The following LYN variants were observed in gnomAD, a reference collection of about 807,000 sequenced individuals.
LYN encodes tyrosine-protein kinase Lyn.
Under a neutral mutation model 65.0 loss-of-function variants are expected in LYN, and 12 were observed. The ratio of observed to expected loss-of-function variants is 0.18; its 90% CI spans 0.12 to 0.30. LYN has a LOEUF of 0.30. LYN is among the 10% of genes least tolerant of loss of function. LYN has a pLI of 1.00. For missense variants in LYN, 380 were observed against 623.2 expected (o/e 0.61, Z 4.16); for synonymous variants, 222 against 221.2 (o/e 1.00, Z -0.03).
At chr8:55,929,065 A>G (rs1324688589) in intron 1 of LYN, among the ~76,000 whole-genome samples, 1 of 152,172 alleles carries the variant, frequency 6.6e-6, no homozygotes, top group Non-Finnish European at 1.5e-5. Context: ...TTCAGTGTTG[A>G]ATTGTCTTTG....
intron 1 of LYN, among the ~76,000 whole-genome samples, chr8:55,894,781 C>T (rs1418947816): frequency 2.0e-5 from 3 of 152,082 alleles, no homozygotes; most frequent in Non-Finnish European, 2.9e-5. Context: ...GTGATCCACC[C>T]GCCTCAGCCT....
chr8:56,000,518 G>A (rs1176619630), intron 12 of LYN, among the ~76,000 whole-genome samples: 1 of 151,880 alleles, frequency 6.6e-6, no homozygotes, highest in Non-Finnish European at 1.5e-5. Context: ...CACGAGGTCA[G>A]GAGTTCGAGA....
At chr8:55,921,602 G>T (rs1055559661) in intron 1 of LYN, among the ~76,000 whole-genome samples, 2 of 152,296 alleles carry the variant, frequency 1.3e-5, no homozygotes, top group African/African-American at 4.8e-5. Flanking sequence ...AGACAGGTGA[G>T]ATTTGCATAA....
At chr8:55,969,117 CA>C (rs1445264044) in intron 9 of LYN, among the ~76,000 whole-genome samples, 1 of 151,784 alleles carries the variant, frequency 6.6e-6, no homozygotes, top group African/African-American at 2.4e-5. Context: ...CCTATCTCTA[CA>C]AAAAAAAGAA....
chr8:55,938,384 A>C (rs1806503376), intron 1 of LYN, among the ~76,000 whole-genome samples: 1 of 152,244 alleles, frequency 6.6e-6, no homozygotes, highest in Non-Finnish European at 1.5e-5. Flanking sequence ...TTTTGAAGGC[A>C]CTGCTGACTA....
At chr8:55,893,718 C>A (rs1037710244) in intron 1 of LYN, 1 of 152,098 alleles carries the variant, frequency 6.6e-6, no homozygotes, top group African/African-American at 2.4e-5. Context: ...CAAAACTGTT[C>A]CAGATATACT....
chr8:55,955,656 A>G (rs1807085293), intron 8 of LYN, among the ~76,000 whole-genome samples: 1 of 152,208 alleles, frequency 6.6e-6, no homozygotes, highest in African/African-American at 2.4e-5. Flanking sequence ...GAAAGGAAAC[A>G]ATGTACCCAA....
intron 1 of LYN, among the ~76,000 whole-genome samples, chr8:55,934,566 A>G (rs891170349): frequency 6.6e-6 from 1 of 152,192 alleles, no homozygotes; most frequent in Non-Finnish European, 1.5e-5. Context: ...AAACTTGTGG[A>G]TCTCCTGGAA....
At chr8:55,902,785 C>G (rs1267883735) in intron 1 of LYN, 12 of 513,680 alleles carry the variant, frequency 2.3e-5, no homozygotes, top group Non-Finnish European at 3.9e-5. Context: ...CATAACCTAT[C>G]TCAATTTAGC....
intron 2 of LYN, among the ~76,000 whole-genome samples, chr8:55,945,477 A>C (rs1317501799): frequency 6.6e-6 from 1 of 152,184 alleles, no homozygotes; most frequent in Non-Finnish European, 1.5e-5. Context: ...GTCTCACTGA[A>C]ATGGAGATTT....
At chr8:55,986,284 C>T (rs1808071476) in intron 10 of LYN, among the ~76,000 whole-genome samples, 1 of 151,808 alleles carries the variant, frequency 6.6e-6, no homozygotes, top group African/African-American at 2.4e-5. Flanking sequence ...TATCCCTTTA[C>T]ATTCCTGCCA....
At chr8:55,882,128 A>C (rs1024417542) in intron 1 of LYN, among the ~76,000 whole-genome samples, 3 of 152,134 alleles carry the variant, frequency 2.0e-5, no homozygotes, top group African/African-American at 7.2e-5. Flanking sequence ...TCCACTCAGC[A>C]CCGCTCTTCT....
intron 10 of LYN, among the ~76,000 whole-genome samples, chr8:55,982,343 A>G (rs73590350): frequency 0.01 from 1,534 of 152,056 alleles, 27 homozygotes; most frequent in African/African-American, 0.035. Flanking sequence ...GAATATTTGC[A>G]TTATACTTAC....
chr8:55,927,121 T>C (rs1029794679), intron 1 of LYN, among the ~76,000 whole-genome samples: 2 of 152,250 alleles, frequency 1.3e-5, no homozygotes, highest in African/African-American at 4.8e-5. Context: ...ACAGTTTTCA[T>C]TAGGATTCAC....
chr8:55,884,601 G>T (rs1033876123), intron 1 of LYN, among the ~76,000 whole-genome samples: 3 of 151,690 alleles, frequency 2.0e-5, no homozygotes, highest in African/African-American at 4.9e-5. Flanking sequence ...GATTACAGGC[G>T]CCCGCCACCA....
intron 10 of LYN, among the ~76,000 whole-genome samples, chr8:55,971,202 A>G (rs1807600231): frequency 6.6e-6 from 1 of 152,272 alleles, no homozygotes; most frequent in South Asian, 2.1e-4. Flanking sequence ...GGGCAAGGAA[A>G]GGACCCAGCA....
At chr8:55,993,182 A>G (rs1177043197) in intron 10 of LYN, among the ~76,000 whole-genome samples, 1 of 152,192 alleles carries the variant, frequency 6.6e-6, no homozygotes, top group Non-Finnish European at 1.5e-5. Flanking sequence ...TTAATTCAGT[A>G]ATTCTTCCTG....
chr8:55,999,921 A>G (rs1339609433), intron 12 of LYN, among the ~76,000 whole-genome samples: 3 of 152,140 alleles, frequency 2.0e-5, no homozygotes, highest in Non-Finnish European at 4.4e-5. Flanking sequence ...CAGTGAGCTG[A>G]GATCGCGCCA....
chr8:55,983,035 A>G (rs767974744), intron 10 of LYN, among the ~76,000 whole-genome samples: 3 of 151,880 alleles, frequency 2.0e-5, no homozygotes, highest in African/African-American at 4.8e-5. Context: ...TGCCAGCCCT[A>G]TGGAAGTCCG....
Sources: gnomAD v4.1 joint callset for allele counts (sites outside exome capture counted in the v4.1 genomes callset) on GRCh38, gnomAD v4.1.1 for gene constraint, MANE v1.5 for transcripts, NCBI Gene and HGNC (gene_info 2026-07-23, HGNC 2026-07-21) for gene names.